Variants in MAP6 observed in about 807,000 individuals in gnomAD.
The protein encoded by MAP6 is microtubule associated protein 6.
In MAP6, 26 loss-of-function variants were observed where a neutral mutation model predicts 42.4. That is an observed-to-expected ratio of 0.61 (90% CI 0.45 to 0.85). MAP6 has a LOEUF of 0.85. MAP6 is among the 40% of genes least tolerant of loss of function. MAP6 has a pLI of 0.00. For missense variants in MAP6, 966 were observed against 1,099.0 expected (o/e 0.88, Z 1.71); for synonymous variants, 418 against 443.8 (o/e 0.94, Z 0.73).
intron 1 of MAP6, among the ~76,000 whole-genome samples, chr11:75,634,838 GTGTT>G (rs1219128410): frequency 1.3e-5 from 2 of 152,272 alleles, no homozygotes; most frequent in East Asian, 1.9e-4. Context: ...TATTAAAACT[GTGTT>G]TGTCATCTAT....
Position 75,667,582 on chromosome 11 carries a change from G to T in MAP6, c.788C>A (p.Ala263Glu). Residue 263 changes from alanine (A) to glutamate (E), a missense_variant, in exon 1 of 4, where the codon GCG becomes GAG. By Grantham distance (107) the Ala-to-Glu change is moderately radical. This residue lies in a region of MAP6 where 943 missense variants were observed against 1,049.9 expected (regional missense o/e 0.90). Coordinates refer to ENST00000304771, the MANE Select transcript of MAP6 (RefSeq NM_033063.2). The surrounding 1 kb of genome is among the most constrained non-coding windows in gnomAD (Gnocchi z 5.6). Reference sequence around the variant, plus strand: ...GGTGGCCTGGACCTGGGCCTGGGCCGCGGGCAGCGGCGTCTGCTCGTGCCC... The same window carrying T: ...GGTGGCCTGGACCTGGGCCTGGGCCTCGGGCAGCGGCGTCTGCTCGTGCCC... Reference protein sequence around the residue: ...GLGHEQTPLPAAQAQVQATGP... With the variant: ...GLGHEQTPLPEAQAQVQATGP... The T allele has an allele frequency of 7.2e-7, 1 of 1,395,098 alleles. No individual in the cohort carries two copies. The highest frequency in any genetic ancestry group is 9.2e-7 in the Non-Finnish European group (1 of 1,084,756). 86.4% of individuals were successfully genotyped at this position (1,395,098 alleles called of 1,614,324 possible).
chr11:75,622,125 A>G (rs1379968965), intron 1 of MAP6, among the ~76,000 whole-genome samples: 1 of 152,202 alleles, frequency 6.6e-6, no homozygotes, highest in Non-Finnish European at 1.5e-5. Context: ...AGATCAATAC[A>G]TAAAAATTAA....
At chr11:75,626,654 G>C (rs1240622880) in intron 1 of MAP6, among the ~76,000 whole-genome samples, 2 of 152,150 alleles carry the variant, frequency 1.3e-5, no homozygotes, top group Admixed American at 6.5e-5. Flanking sequence ...CCTTTACTGA[G>C]GGCCCACTGT....
chr11:75,655,517 C>T (rs12577817), intron 1 of MAP6, among the ~76,000 whole-genome samples: 2,975 of 152,256 alleles, frequency 0.02, 103 homozygotes, highest in East Asian at 0.14. Flanking sequence ...GGCAAGAAGG[C>T]TAGAAGCATC....
intron 1 of MAP6, among the ~76,000 whole-genome samples, chr11:75,637,099 A>G (rs1201411275): frequency 6.6e-6 from 1 of 152,220 alleles, no homozygotes; most frequent in African/African-American, 2.4e-5. Flanking sequence ...TTCACTGAAG[A>G]TGTTCCAAAA....
chr11:75,613,037 C>T (rs1565261544), intron 1 of MAP6, among the ~76,000 whole-genome samples: 1 of 152,184 alleles, frequency 6.6e-6, no homozygotes, highest in Non-Finnish European at 1.5e-5. Context: ...AAAGGGGCAT[C>T]CTATGTCAGG....
At chr11:75,616,952 TA>T (rs1943005176) in intron 1 of MAP6, among the ~76,000 whole-genome samples, 1 of 152,200 alleles carries the variant, frequency 6.6e-6, no homozygotes, top group Non-Finnish European at 1.5e-5. Flanking sequence ...AGTTTGAAGC[TA>T]ATGTGAGTAG....
In MAP6 at chr11:75,605,835, A is replaced by G. The variant is rs767254997; in HGVS notation, c.1289T>C (p.Met430Thr). Residue 430 changes from methionine to threonine, a missense_variant, in exon 3 of 4, where the codon ATG (methionine) becomes ACG (threonine). This residue lies in a region of MAP6 where 943 missense variants were observed against 1,049.9 expected (regional missense o/e 0.90). Coordinates refer to ENST00000304771, the MANE Select transcript of MAP6 (RefSeq NM_033063.2). ...KPDDKEQSKE[M>T]NNKLAEAKES... is the part of the protein sequence containing the mutation. ...TTTCGCCTCAGCCAGTTTATTGTTC[A>G]TCTCTTTGCTTTGCTCCTTGTCGTC... The G allele has an allele frequency of 6.2e-7, 1 of 1,613,932 alleles. No individual in the cohort carries two copies. Among genetic ancestry groups the G allele is most frequent in the South Asian group, 1.1e-5 (1 of 91,054 alleles).
intron 1 of MAP6, among the ~76,000 whole-genome samples, chr11:75,654,303 T>TGAGTAC (rs1318745765): frequency 1.2e-4 from 19 of 152,298 alleles, no homozygotes; most frequent in African/African-American, 4.6e-4. Flanking sequence ...CCTTCTGAAT[T>TGAGTAC]TTTATCTCAT....
chr11:75,599,695 A>C (rs1263635107), intron 3 of MAP6, among the ~76,000 whole-genome samples: 1 of 152,186 alleles, frequency 6.6e-6, no homozygotes, highest in African/African-American at 2.4e-5. Flanking sequence ...GTATGGGCTT[A>C]GTTTTTATTG....
intron 1 of MAP6, among the ~76,000 whole-genome samples, chr11:75,665,903 T>C (rs1344120722): frequency 6.6e-6 from 1 of 152,050 alleles, no homozygotes; most frequent in Non-Finnish European, 1.5e-5. Flanking sequence ...GGAGGTGGAA[T>C]TCAGGAAGAT....
intron 1 of MAP6, among the ~76,000 whole-genome samples, chr11:75,663,718 G>A (rs1216868851): frequency 2.0e-5 from 3 of 152,212 alleles, no homozygotes; most frequent in African/African-American, 4.8e-5. Flanking sequence ...GATTGGCCTC[G>A]AGGCATTGCT....
intron 1 of MAP6, among the ~76,000 whole-genome samples, chr11:75,620,995 G>C (rs1348381808): frequency 6.6e-6 from 1 of 152,128 alleles, no homozygotes; most frequent in Non-Finnish European, 1.5e-5. Context: ...GCCGGGCGTG[G>C]TGGTGGGTGC....
chr11:75,651,930 A>G (rs1466263606), intron 1 of MAP6, among the ~76,000 whole-genome samples: 1 of 152,210 alleles, frequency 6.6e-6, no homozygotes, highest in African/African-American at 2.4e-5. Context: ...AGCCAGATAC[A>G]GCCCTCTGCC....
rs1484504057 is a variant in MAP6 at position 75,605,632 on chromosome 11, C to G, written c.1316+176G>C. On this transcript the variant is annotated intron_variant, in intron 3 of 3. Transcript: ENST00000304771. ...GAGGCCTGCCACTCAGTCTGTGAAG[C>G]AGGATTCTTCCATCAAAAGAAGCCA... 2.5e-5 allele frequency: 35 copies of G among 1,405,384 alleles called. No homozygotes were observed. The East Asian group carries it at 9.3e-4, about 37-fold the overall frequency. 87.1% of individuals were successfully genotyped at this position (1,405,384 alleles called of 1,614,324 possible).
intron 1 of MAP6, among the ~76,000 whole-genome samples, chr11:75,609,702 T>C (rs1942854184): frequency 6.6e-6 from 1 of 152,204 alleles, no homozygotes; most frequent in Non-Finnish European, 1.5e-5. Flanking sequence ...GACCTCCTGT[T>C]CTCCGTATTT....
intron 3 of MAP6, among the ~76,000 whole-genome samples, chr11:75,602,086 C>A (rs966079325): frequency 1.3e-5 from 2 of 152,028 alleles, no homozygotes; most frequent in East Asian, 3.9e-4. Context: ...AGTATAAAAT[C>A]TTTTGTCTTC....
At chr11:75,604,776 T>A in intron 3 of MAP6, 1 of 985,418 alleles carries the variant, frequency 1.0e-6, no homozygotes, top group Non-Finnish European at 1.2e-6. Flanking sequence ...AGCAGGGCAG[T>A]CTCCTAGTCT....
chr11:75,613,215 C>T (rs1942934991), intron 1 of MAP6, among the ~76,000 whole-genome samples: 1 of 151,920 alleles, frequency 6.6e-6, no homozygotes, highest in Non-Finnish European at 1.5e-5. Flanking sequence ...AGATTTATTT[C>T]TGGTCAGCTG....
Sources: allele counts gnomAD v4.1 joint callset (sites outside exome capture counted in the v4.1 genomes callset), GRCh38; gene constraint gnomAD v4.1.1; regional missense constraint gnomAD v4.1.1; non-coding constraint Gnocchi (gnomAD v3.1); transcripts MANE v1.5; gene names NCBI Gene and HGNC (gene_info 2026-07-23, HGNC 2026-07-21).